The following CDH12 variants were observed in gnomAD, a reference collection of about 807,000 sequenced individuals.
CDH12 encodes the protein cadherin-12.
In CDH12, 41 loss-of-function variants were observed where a neutral mutation model predicts 74.1. The ratio of observed to expected loss-of-function variants is 0.55; its 90% CI spans 0.43 to 0.72. CDH12 has a LOEUF of 0.72. CDH12 is among the 30% of genes least tolerant of loss of function. CDH12 has a pLI of 0.00. For synonymous variants in CDH12, 399 were observed against 355.0 expected (o/e 1.12, Z -1.39); for missense variants, 945 against 977.2 (o/e 0.97, Z 0.44).
At chr5:21,793,365 A>C (rs1280354499) in intron 10 of CDH12, among the ~76,000 whole-genome samples, 1 of 151,730 alleles carries the variant, frequency 6.6e-6, no homozygotes, top group African/African-American at 2.4e-5. Flanking sequence ...ATATTGCTCT[A>C]TTCATAATAC....
intron 4 of CDH12, among the ~76,000 whole-genome samples, chr5:22,122,404 CA>C (rs1193648373): frequency 3.9e-5 from 6 of 152,136 alleles, no homozygotes; most frequent in African/African-American, 1.4e-4. Flanking sequence ...CTCCATCTCA[CA>C]AAAACAAAAA....
intron 1 of CDH12, among the ~76,000 whole-genome samples, chr5:22,536,219 C>T (rs778724266): frequency 4.6e-5 from 7 of 152,178 alleles, no homozygotes; most frequent in South Asian, 2.1e-4. Context: ...CCCATCACAA[C>T]GTATGTACTG....
chr5:22,327,420 TTGTGCCTCTGTG>T (rs1328838192), intron 3 of CDH12, among the ~76,000 whole-genome samples: 6 of 133,528 alleles, frequency 4.5e-5, no homozygotes, highest in Non-Finnish European at 9.5e-5. Flanking sequence ...GAGATAAAAT[TTGTGCCTCTGTG>T]TGTGTGTGTG....
At chr5:22,384,246 C>A (rs533206739) in intron 3 of CDH12, among the ~76,000 whole-genome samples, 1 of 151,906 alleles carries the variant, frequency 6.6e-6, no homozygotes, top group East Asian at 1.9e-4. Flanking sequence ...AAATGTTGGC[C>A]GGGCGCGGTG....
chr5:22,102,905 G>A (rs1219198193), intron 4 of CDH12, among the ~76,000 whole-genome samples: 1 of 152,026 alleles, frequency 6.6e-6, no homozygotes, highest in Admixed American at 6.6e-5. Context: ...GCCATGAAAT[G>A]AGCTAAGACA....
intron 3 of CDH12, among the ~76,000 whole-genome samples, chr5:22,394,405 CA>C (rs917274664): frequency 1.3e-5 from 2 of 152,054 alleles, no homozygotes; most frequent in African/African-American, 4.8e-5. Flanking sequence ...CAAAAATCTA[CA>C]GGCAACAAAC....
chr5:21,794,290 T>G (rs1243113774), intron 10 of CDH12, among the ~76,000 whole-genome samples: 1 of 151,776 alleles, frequency 6.6e-6, no homozygotes, highest in Non-Finnish European at 1.5e-5. Flanking sequence ...TTTTTTTGTT[T>G]TTCATTTAGT....
chr5:22,261,736 G>C (rs1197918846), intron 3 of CDH12, among the ~76,000 whole-genome samples: 1 of 150,476 alleles, frequency 6.6e-6, no homozygotes, highest in Non-Finnish European at 1.5e-5. Flanking sequence ...TTTTAAATTT[G>C]CATGTGTCCC....
intron 4 of CDH12, among the ~76,000 whole-genome samples, chr5:22,094,128 G>A (rs1049438378): frequency 8.5e-5 from 13 of 152,134 alleles, no homozygotes; most frequent in African/African-American, 3.1e-4. Flanking sequence ...AAATCAAGAG[G>A]CAAACCGTTA....
intron 1 of CDH12, among the ~76,000 whole-genome samples, chr5:22,587,355 G>A (rs137917094): frequency 1.8e-3 from 273 of 152,160 alleles, no homozygotes; most frequent in African/African-American, 6.2e-3. Flanking sequence ...ATAAACCTCC[G>A]TTCTTTATAA....
At chr5:22,282,688 G>T (rs968259466) in intron 3 of CDH12, among the ~76,000 whole-genome samples, 13 of 152,094 alleles carry the variant, frequency 8.5e-5, no homozygotes, top group Non-Finnish European at 1.6e-4. Context: ...CAACCACAAT[G>T]AGATACAGTC....
chr5:21,779,214 T>G (rs1745772609), intron 11 of CDH12: 1 of 152,128 alleles, frequency 6.6e-6, no homozygotes, highest in African/African-American at 2.4e-5. Context: ...ATTTATTCAC[T>G]TTCTTTTTCC....
At chr5:22,752,397 T>C (rs919338574) in intron 1 of CDH12, among the ~76,000 whole-genome samples, 10 of 151,792 alleles carry the variant, frequency 6.6e-5, no homozygotes, top group Admixed American at 4.6e-4. Context: ...TCATGAAGCA[T>C]GATACCTTTT....
intron 6 of CDH12, among the ~76,000 whole-genome samples, chr5:21,932,613 T>C (rs1342350322): frequency 6.6e-6 from 1 of 151,900 alleles, no homozygotes; most frequent in Non-Finnish European, 1.5e-5. Flanking sequence ...TAAAAGAGAC[T>C]AGCAAGGCCG....
chr5:22,549,271 C>A (rs1365864753), intron 1 of CDH12, among the ~76,000 whole-genome samples: 1 of 152,088 alleles, frequency 6.6e-6, no homozygotes. Context: ...CCGCACCTGG[C>A]CTCCAATCCA....
chr5:22,389,530 T>C (rs1292146736), intron 3 of CDH12, among the ~76,000 whole-genome samples: 1 of 152,198 alleles, frequency 6.6e-6, no homozygotes, highest in African/African-American at 2.4e-5. Flanking sequence ...TATTTCTTTT[T>C]CACGTAAAAG....
chr5:22,799,745 T>C (rs1748413946), intron 1 of CDH12, among the ~76,000 whole-genome samples: 1 of 152,110 alleles, frequency 6.6e-6, no homozygotes, highest in African/African-American at 2.4e-5. Flanking sequence ...CTTTGAACAC[T>C]CACGTTAAGA....
At chr5:21,891,456 A>G (rs940752135) in intron 6 of CDH12, among the ~76,000 whole-genome samples, 1 of 152,208 alleles carries the variant, frequency 6.6e-6, no homozygotes, top group Non-Finnish European at 1.5e-5. Flanking sequence ...AAAAACAGCT[A>G]GAGATCATGA....
intron 2 of CDH12, among the ~76,000 whole-genome samples, chr5:22,420,516 T>C (rs1433994607): frequency 6.6e-6 from 1 of 152,178 alleles, no homozygotes; most frequent in Non-Finnish European, 1.5e-5. Flanking sequence ...ATCTCTATAC[T>C]ATTCCATTGG....
Sources: allele counts gnomAD v4.1 joint callset (sites outside exome capture counted in the v4.1 genomes callset), GRCh38; gene constraint gnomAD v4.1.1; transcripts MANE v1.5; gene names NCBI Gene and HGNC (gene_info 2026-07-23, HGNC 2026-07-21).